Variants in LGSN observed in about 807,000 individuals in gnomAD.
LGSN encodes lengsin.
LGSN carries 21 observed loss-of-function variants against 19.5 expected under a neutral mutation model. The observed-to-expected ratio is 1.07, with a 90% CI of 0.76 to 1.55. LGSN has a LOEUF of 1.55. LGSN is among the 40% of genes most tolerant of loss of function. The pLI is 0.00. For missense variants in LGSN, 673 were observed against 608.5 expected (o/e 1.11, Z -1.12); for synonymous variants, 257 against 215.6 (o/e 1.19, Z -1.68).
the LGSN span, among the ~76,000 whole-genome samples, chr6:63,410,830 G>A: frequency 6.6e-5 from 10 of 152,160 alleles, no homozygotes; most frequent in African/African-American, 2.4e-4. Context: ...AAAAGCTCAT[G>A]AAATCTTAAT....
chr6:63,504,146 C>CT, the LGSN span, among the ~76,000 whole-genome samples: 4 of 150,578 alleles, frequency 2.7e-5, no homozygotes, highest in African/African-American at 7.3e-5. Flanking sequence ...AAATAAAAAT[C>CT]TTTTTTTTTG....
the LGSN span, among the ~76,000 whole-genome samples, chr6:63,383,504 T>G: frequency 1.3e-5 from 2 of 151,874 alleles, no homozygotes; most frequent in Non-Finnish European, 2.9e-5. Context: ...GAGATAAACC[T>G]TTTGAACAGG....
intron 1 of LGSN, among the ~76,000 whole-genome samples, chr6:63,310,656 G>A (rs75166738): frequency 0.033 from 4,954 of 152,196 alleles, 264 homozygotes; most frequent in African/African-American, 0.11. Flanking sequence ...CTTTAAAAAT[G>A]AGGGTCCTGG....
chr6:63,469,403 A>C, the LGSN span, among the ~76,000 whole-genome samples: 3 of 152,236 alleles, frequency 2.0e-5, no homozygotes, highest in African/African-American at 4.8e-5. Context: ...ATTGGAAGGC[A>C]ATGCTGTAAG....
chr6:63,464,289 G>C, the LGSN span, among the ~76,000 whole-genome samples: 3 of 152,134 alleles, frequency 2.0e-5, no homozygotes, highest in Non-Finnish European at 1.5e-5. Context: ...GGGAAGTTGT[G>C]AGAATTAGAT....
the LGSN span, among the ~76,000 whole-genome samples, chr6:63,368,718 C>T: frequency 6.6e-6 from 1 of 152,196 alleles, no homozygotes; most frequent in East Asian, 1.9e-4. Context: ...TCTGTTTCCT[C>T]CTACCAGAAT....
chr6:63,377,913 CAAAAAAAAAAA>C, the LGSN span, among the ~76,000 whole-genome samples: 4 of 54,328 alleles, frequency 7.4e-5, no homozygotes, highest in Admixed American at 2.2e-4. Context: ...GACTCCATCT[CAAAAAAAAAAA>C]AAAAAAAAAA....
At chr6:63,352,682 GAC>G in the LGSN span, among the ~76,000 whole-genome samples, 624 of 144,440 alleles carry the variant, frequency 4.3e-3, 7 homozygotes, top group African/African-American at 0.013. Flanking sequence ...CACACACACA[GAC>G]ACACACACAC....
At chr6:63,539,802 C>G in the LGSN span, among the ~76,000 whole-genome samples, 1 of 151,758 alleles carries the variant, frequency 6.6e-6, no homozygotes, top group Non-Finnish European at 1.5e-5. Flanking sequence ...TATGAATAGG[C>G]AATCTTCAGA....
chr6:63,518,154 CAAAA>C, the LGSN span, among the ~76,000 whole-genome samples: 1 of 62,112 alleles, frequency 1.6e-5, no homozygotes, highest in Non-Finnish European at 3.8e-5. Flanking sequence ...ACTCCGTCTC[CAAAA>C]AAAAAAAAAA....
chr6:63,557,363 T>C, the LGSN span, among the ~76,000 whole-genome samples: 1 of 152,028 alleles, frequency 6.6e-6, no homozygotes, highest in Non-Finnish European at 1.5e-5. Context: ...GTCAGGAGTT[T>C]GAGACCAGCC....
the LGSN span, among the ~76,000 whole-genome samples, chr6:63,353,593 A>G: frequency 6.7e-6 from 1 of 148,394 alleles, no homozygotes; most frequent in Admixed American, 6.7e-5. Context: ...TGTAGCAAAA[A>G]AAAAAAAAAA....
At chr6:63,282,789 C>T (rs1255572318) in intron 3 of LGSN, among the ~76,000 whole-genome samples, 1 of 152,044 alleles carries the variant, frequency 6.6e-6, no homozygotes, top group Non-Finnish European at 1.5e-5. Flanking sequence ...TACATGTAAA[C>T]TTTATACACA....
intron 3 of LGSN, among the ~76,000 whole-genome samples, chr6:63,282,938 T>G (rs1318026357): frequency 6.6e-6 from 1 of 152,210 alleles, no homozygotes; most frequent in Non-Finnish European, 1.5e-5. Context: ...ATATTAGTTC[T>G]TTACATATCT....
At chr6:63,379,668 C>A in the LGSN span, among the ~76,000 whole-genome samples, 8 of 152,134 alleles carry the variant, frequency 5.3e-5, no homozygotes, top group African/African-American at 1.9e-4. Flanking sequence ...AGAAGCACCT[C>A]AGAAGCTTGT....
At chr6:63,315,246 TCTC>T (rs1400876460) in intron 1 of LGSN, among the ~76,000 whole-genome samples, 4 of 152,162 alleles carry the variant, frequency 2.6e-5, no homozygotes, top group Admixed American at 6.5e-5. Context: ...GACTCAGACT[TCTC>T]CTTTATAAAA....
the LGSN span, among the ~76,000 whole-genome samples, chr6:63,431,030 A>G: frequency 6.6e-6 from 1 of 152,330 alleles, no homozygotes; most frequent in African/African-American, 2.4e-5. Context: ...ACTAGTGAGT[A>G]AATAATACCT....
At chr6:63,406,836 T>A in the LGSN span, among the ~76,000 whole-genome samples, 1 of 146,900 alleles carries the variant, frequency 6.8e-6, no homozygotes, top group African/African-American at 2.7e-5. Flanking sequence ...TAAAAAATGA[T>A]AAAGGGGATT....
Position 63,280,165 on chromosome 6 carries a change from G to A in LGSN, c.1386C>T (p.Ala462=), listed in dbSNP as rs1767235207. 3 of 1,614,156 alleles carry A rather than the reference G, an allele frequency of 1.9e-6. No individual in the cohort carries two copies. Among genetic ancestry groups the A allele is most frequent in the Non-Finnish European group, 2.5e-6 (3 of 1,180,028 alleles). The change falls in exon 4 of 4, where the codon GCC becomes GCT. Residue 462 remains alanine (A), a synonymous_variant. Coordinates refer to ENST00000370657, the MANE Select transcript of LGSN (RefSeq NM_016571.3). ...PSEIPLKLED[A]LVALEEDQCL... ...ATTGATCTTCTTCCAGTGCCACAAG[G>A]GCATCTTCTAGTTTTAAAGGGATCT...
Sources: gnomAD v4.1 joint callset for allele counts (sites outside exome capture counted in the v4.1 genomes callset) on GRCh38, gnomAD v4.1.1 for gene constraint, MANE v1.5 for transcripts, NCBI Gene and HGNC (gene_info 2026-07-23, HGNC 2026-07-21) for gene names.